Variants in PLAC8 observed in about 807,000 individuals in gnomAD.
PLAC8 encodes the protein placenta-specific gene 8 protein.
A neutral mutation model predicts 12.6 loss-of-function variants in PLAC8; 6 were observed. The ratio of observed to expected loss-of-function variants is 0.48; its 90% CI spans 0.26 to 0.94. PLAC8 has a LOEUF of 0.94. Ranked by LOEUF, PLAC8 falls within the 40% of genes least tolerant of loss-of-function variation. The pLI is 0.14. For synonymous variants in PLAC8, 54 were observed against 52.6 expected, an observed-to-expected ratio of 1.03 and a Z score of -0.11; for missense variants, 122 against 152.7, an observed-to-expected ratio of 0.80 and a Z score of 1.06.
At position 83,107,898 on chromosome 4, in the gene PLAC8, G is replaced by T. The variant is rs1732301094; in HGVS notation, c.24C>A (p.Val8=). 6.4e-7 allele frequency: 1 copy of T among 1,571,666 alleles called. No homozygotes were observed. Among genetic ancestry groups the T allele is most frequent in the South Asian group, 1.1e-5 (1 of 89,482 alleles). ...GACCGACTCCAGGTTGGGTCACAAC[G>T]ACCACCGGCGCCTGAGCTTGCATTT... MQAQAPV[V]VVTQPGVGPG... Residue 8 remains valine (V), a synonymous_variant, in exon 2 of 5, where the codon GTC becomes GTA. Transcript: ENST00000311507.
At chr4:83,098,146 C>T (rs574920377) in intron 3 of PLAC8, among the ~76,000 whole-genome samples, 4 of 152,176 alleles carry the variant, frequency 2.6e-5, no homozygotes, top group South Asian at 2.1e-4. Context: ...CGTGAGCCAC[C>T]GCGCCGGGCC....
At chr4:83,114,087 T>C (rs1732481055) in intron 1 of PLAC8, among the ~76,000 whole-genome samples, 1 of 151,962 alleles carries the variant, frequency 6.6e-6, no homozygotes, top group African/African-American at 2.4e-5. Flanking sequence ...TTTGCTTTGA[T>C]TGAAACATTT....
At chr4:83,094,431 A>G (rs1731878359) in intron 4 of PLAC8, 1 of 345,086 alleles carries the variant, frequency 2.9e-6, no homozygotes. Flanking sequence ...TCCTTAATAG[A>G]TCACCAGAAT....
chr4:83,091,632 T>C (rs996427723), intron 4 of PLAC8, among the ~76,000 whole-genome samples: 2 of 152,168 alleles, frequency 1.3e-5, no homozygotes, highest in Non-Finnish European at 2.9e-5. Context: ...ATGCTGTACT[T>C]TTCATGCTGT....
chr4:83,107,222 AC>A (rs1256200432), intron 2 of PLAC8, among the ~76,000 whole-genome samples: 6 of 125,442 alleles, frequency 4.8e-5, no homozygotes, highest in Admixed American at 7.5e-5. Context: ...AAAAAAAAAA[AC>A]AAAAAAAAAA....
At chr4:83,110,112 C>G (rs1732392630) in intron 1 of PLAC8, among the ~76,000 whole-genome samples, 1 of 152,060 alleles carries the variant, frequency 6.6e-6, no homozygotes, top group African/African-American at 2.4e-5. Flanking sequence ...GCCGCTTCCT[C>G]CCGGGCACCC....
chr4:83,103,078 T>C (rs1578740581), intron 3 of PLAC8, among the ~76,000 whole-genome samples: 1 of 85,992 alleles, frequency 1.2e-5, no homozygotes. Flanking sequence ...AGAGCAAGAC[T>C]CCCTTTAAAA....
intron 3 of PLAC8, among the ~76,000 whole-genome samples, chr4:83,100,858 G>A (rs1235915814): frequency 6.6e-6 from 1 of 152,210 alleles, no homozygotes; most frequent in Non-Finnish European, 1.5e-5. Flanking sequence ...GTGCCAAATG[G>A]TTAGCCAAGT....
chr4:83,100,485 G>A (rs549079074), intron 3 of PLAC8, among the ~76,000 whole-genome samples: 61 of 65,510 alleles, frequency 9.3e-4, no homozygotes, highest in Non-Finnish European at 1.5e-3. Flanking sequence ...CCAGTCTCAG[G>A]TACTTCTTTA....
At chr4:83,091,533 T>A (rs1177153882) in intron 4 of PLAC8, among the ~76,000 whole-genome samples, 2 of 152,198 alleles carry the variant, frequency 1.3e-5, no homozygotes, top group Non-Finnish European at 2.9e-5. Context: ...TTATTACCAA[T>A]GATGGTGACG....
At chr4:83,104,577 T>C (rs1732190928) in intron 3 of PLAC8, among the ~76,000 whole-genome samples, 1 of 152,230 alleles carries the variant, frequency 6.6e-6, no homozygotes, top group African/African-American at 2.4e-5. Context: ...CCTACCCACT[T>C]TACAGAGATG....
At position 83,110,213 on chromosome 4, in the gene PLAC8, G is replaced by T. The variant is rs541638332; in HGVS notation, c.-29-2263C>A. Among the ~76,000 whole-genome samples, 5 of 152,308 alleles carry T rather than the reference G, an allele frequency of 3.3e-5. No homozygotes were observed. The East Asian group carries it at 5.8e-4, about 18-fold the overall frequency. The stretch of plus-strand genomic sequence containing the variant: ...GATGGTATGGGCTGAGCAACGCTGG[G>T]ATTGGAAAGTAAGACAAGAAACTAT... On this transcript the variant is annotated intron_variant, in intron 1 of 4. Transcript: ENST00000311507.
intron 1 of PLAC8, among the ~76,000 whole-genome samples, chr4:83,108,315 G>A (rs952158278): frequency 6.6e-6 from 1 of 152,100 alleles, no homozygotes; most frequent in Admixed American, 6.5e-5. Context: ...GAACTGGGCC[G>A]GGCGCGGTGA....
intron 2 of PLAC8, among the ~76,000 whole-genome samples, chr4:83,107,223 CA>C (rs70946973): frequency 0.37 from 51,209 of 139,706 alleles, 9,347 homozygotes; most frequent in Middle Eastern, 0.44. Context: ...AAAAAAAAAA[CA>C]AAAAAAAAAA....
chr4:83,092,188 C>T (rs1731821475), intron 4 of PLAC8, among the ~76,000 whole-genome samples: 1 of 152,028 alleles, frequency 6.6e-6, no homozygotes, highest in African/African-American at 2.4e-5. Context: ...GAGATATTTT[C>T]CCTGAGGTTA....
At chr4:83,096,599 G>C (rs111777607) in intron 3 of PLAC8, among the ~76,000 whole-genome samples, 1,567 of 152,176 alleles carry the variant, frequency 0.01, 33 homozygotes, top group African/African-American at 0.036. Flanking sequence ...TGCTGTGTAG[G>C]CTCTTTCCTT....
intron 1 of PLAC8, among the ~76,000 whole-genome samples, chr4:83,113,281 C>A (rs888027337): frequency 6.6e-6 from 1 of 152,194 alleles, no homozygotes; most frequent in African/African-American, 2.4e-5. Flanking sequence ...CACCTTCCTC[C>A]ATGCGATGAA....
At position 83,094,775 on chromosome 4, in the gene PLAC8, T is replaced by A; in HGVS notation, c.260A>T (p.Asp87Val). 6.3e-7 allele frequency: 1 copy of A among 1,579,628 alleles called. No individual in the cohort carries two copies. The highest frequency in any genetic ancestry group is 8.6e-7 in the Non-Finnish European group (1 of 1,163,468). The stretch of plus-strand genomic sequence containing the variant: ...AGGACAGCAAAGAGTTGCCATATAG[T>A]CATCACAAATAGATCCCTGTTTGAA... Reference protein sequence around the residue: ...RYGIPGSICDDYMATLCCPHC... With the variant: ...RYGIPGSICDVYMATLCCPHC... Residue 87 changes from aspartate (D) to valine (V), a missense_variant, in exon 4 of 5, where the codon GAC (aspartate) becomes GTC (valine). Transcript: ENST00000311507.
In PLAC8 at chr4:83,107,904, C is replaced by T. The variant is rs1427527876; in HGVS notation, c.18G>A (p.Pro6=). Reference sequence around the variant, plus strand: ...CTCCAGGTTGGGTCACAACGACCACCGGCGCCTGAGCTTGCATTTTCAGTG... The same window carrying T: ...CTCCAGGTTGGGTCACAACGACCACTGGCGCCTGAGCTTGCATTTTCAGTG... MQAQA[P]VVVVTQPGVG... is the part of the protein sequence containing the mutation. Residue 6 remains proline (P), a synonymous_variant, in exon 2 of 5, where the codon CCG becomes CCA. Transcript: ENST00000311507. 2 of 1,545,898 alleles carry T rather than the reference C, an allele frequency of 1.3e-6. No homozygotes were observed. Among genetic ancestry groups the T allele is most frequent in the South Asian group, 1.1e-5 (1 of 88,962 alleles).
Sources: gnomAD v4.1 joint callset for allele counts (sites outside exome capture counted in the v4.1 genomes callset) on GRCh38, gnomAD v4.1.1 for gene constraint, MANE v1.5 for transcripts, NCBI Gene and HGNC (gene_info 2026-07-23, HGNC 2026-07-21) for gene names.